Variants in RUFY2 observed in about 807,000 individuals in gnomAD.
RUFY2 encodes RUN and FYVE domain containing 2.
In RUFY2, 49 loss-of-function variants were observed where a neutral mutation model predicts 94.4. The ratio of observed to expected loss-of-function variants is 0.52; its 90% CI spans 0.41 to 0.66. The LOEUF (loss-of-function observed/expected upper bound fraction) is 0.66. Among genes scored for constraint, RUFY2 ranks in the 30% least tolerant of loss-of-function variants. The pLI is 0.00. For synonymous variants in RUFY2, 255 were observed against 235.7 expected (o/e 1.08, Z -0.75); for missense variants, 541 against 692.8 (o/e 0.78, Z 2.46).
Position 68,344,645 on chromosome 10 carries a change from T to C in RUFY2, c.*1123A>G, listed in dbSNP as rs572850667. On this transcript the variant is annotated 3_prime_UTR_variant, in exon 18 of 18. Coordinates refer to ENST00000602465, the MANE Select transcript of RUFY2 (RefSeq NM_001330103.2). ...AACCCAGGAGGTGGAGATCGTGCCA[T>C]TGCACTCCAGCCTAGGCAACAAGAG... 10 of 152,674 alleles carry C rather than the reference T, an allele frequency of 6.5e-5. No homozygotes were observed. Among genetic ancestry groups the C allele is most frequent in the South Asian group, 4.1e-4 (2 of 4,834 alleles). The allele number at this position is 152,674 out of a possible 1,614,324, so 9.5% of individuals were successfully genotyped here.
chr10:68,356,275 G>A (rs752571849), intron 15 of RUFY2, among the ~76,000 whole-genome samples: 3 of 152,038 alleles, frequency 2.0e-5, no homozygotes, highest in Non-Finnish European at 2.9e-5. Flanking sequence ...GGGCCAAGGC[G>A]GGTGAATCAT....
intron 7 of RUFY2, among the ~76,000 whole-genome samples, chr10:68,387,869 GGCACAC>G (rs2049634725): frequency 6.6e-6 from 1 of 152,060 alleles, no homozygotes; most frequent in South Asian, 2.1e-4. Flanking sequence ...TGGGCGTGGT[GGCACAC>G]GCCTGTAATC....
intron 14 of RUFY2, 51 bp downstream of exon 14, chr10:68,363,933 A>C: frequency 7.4e-7 from 1 of 1,357,750 alleles, no homozygotes; most frequent in Non-Finnish European, 1.0e-6. Flanking sequence ...ATCTTTTTAA[A>C]TAAGTTAACA....
intron 12 of RUFY2, chr10:68,377,612 C>T (rs1301182655): frequency 2.0e-6 from 2 of 985,220 alleles, no homozygotes; most frequent in African/African-American, 3.5e-5. Flanking sequence ...TTGTTCCTCA[C>T]CATTTAATAT....
intron 13 of RUFY2, among the ~76,000 whole-genome samples, chr10:68,367,036 C>T (rs1371626966): frequency 1.1e-4 from 16 of 151,152 alleles, no homozygotes; most frequent in African/African-American, 2.9e-4. Context: ...GGCGTGGTGG[C>T]GGGTGCCTGT....
chr10:68,406,834 C>G (rs1452225503), intron 1 of RUFY2: 1 of 1,612,372 alleles, frequency 6.2e-7, no homozygotes, highest in African/African-American at 1.3e-5. Flanking sequence ...TGCGTCTTCC[C>G]TCCGCCACCC....
chr10:68,376,666 T>C (rs906749157), intron 13 of RUFY2, among the ~76,000 whole-genome samples, 187 bp downstream of exon 13: 4 of 150,776 alleles, frequency 2.7e-5, no homozygotes, highest in Admixed American at 2.0e-4. Flanking sequence ...CTGTAAATCA[T>C]AAAGGGAGTA....
intron 12 of RUFY2, chr10:68,377,475 C>T (rs1214045856): frequency 7.1e-6 from 7 of 990,880 alleles, no homozygotes; most frequent in Non-Finnish European, 8.4e-6. Context: ...GTCCTTCTTA[C>T]GGCATCTTTA....
chr10:68,367,851 T>C (rs2047969148), intron 13 of RUFY2, among the ~76,000 whole-genome samples: 1 of 151,688 alleles, frequency 6.6e-6, no homozygotes, highest in Non-Finnish European at 1.5e-5. Flanking sequence ...CCTCTCACCT[T>C]AGCCTCCTAA....
chr10:68,376,485 T>TAC (rs2048677138), intron 13 of RUFY2, among the ~76,000 whole-genome samples: 1 of 74,996 alleles, frequency 1.3e-5, no homozygotes, highest in African/African-American at 3.6e-5. Flanking sequence ...TATATATATA[T>TAC]ATATATTCTC....
intron 6 of RUFY2, 30 bp downstream of exon 6, chr10:68,394,044 CA>C (rs748628239): frequency 6.7e-7 from 1 of 1,488,708 alleles, no homozygotes; most frequent in African/African-American, 1.4e-5. Flanking sequence ...ATAAAAAACC[CA>C]ATATGTGAAA....
At position 68,384,168 on chromosome 10, in the gene RUFY2, C is replaced by T. The variant is rs753252682; in HGVS notation, c.721-16G>A. The T allele has an allele frequency of 4.4e-6, 7 of 1,598,718 alleles. No individual in the cohort carries two copies. Among genetic ancestry groups the T allele is most frequent in the South Asian group, 3.3e-5 (3 of 89,630 alleles). ...CTATTGCTAACTAAAAATTAAGAAA[C>T]GGGCAAGAAAAAAGATTTTAAACAC... On this transcript the variant is annotated splice_polypyrimidine_tract_variant and intron_variant, in intron 8 of 17. Transcript: ENST00000602465.
chr10:68,377,522 G>GTC (rs1472386681), intron 12 of RUFY2: 2 of 988,050 alleles, frequency 2.0e-6, no homozygotes, highest in Admixed American at 1.2e-4. Context: ...CTGTGTGTGT[G>GTC]TGTGTGTGCA....
rs1011181103 is a variant in RUFY2 at position 68,343,479 on chromosome 10, C to G, written c.*2289G>C. ...AACATCTTAAAGCAGTAAAAGTATA[C>G]AGTATTAATGAAACCAAAATTGCCC... On this transcript the variant is annotated 3_prime_UTR_variant, in exon 18 of 18. Coordinates refer to ENST00000602465, the MANE Select transcript of RUFY2 (RefSeq NM_001330103.2). The G allele has an allele frequency of 2.6e-5, 4 of 152,496 alleles. No individual in the cohort carries two copies. The highest frequency in any genetic ancestry group is 5.9e-5 in the Non-Finnish European group (4 of 68,000). 9.4% of individuals were successfully genotyped at this position (152,496 alleles called of 1,614,324 possible).
At chr10:68,342,810 C>A (rs1345258200), downstream of RUFY2, 4 of 152,466 alleles carry the variant, frequency 2.6e-5, no homozygotes, top group African/African-American at 9.7e-5. Flanking sequence ...CTCAGTGACA[C>A]AAGAATTCAG....
At chr10:68,348,103 G>C (rs1368589218) in intron 16 of RUFY2, among the ~76,000 whole-genome samples, 1 of 151,358 alleles carries the variant, frequency 6.6e-6, no homozygotes, top group East Asian at 1.9e-4. Flanking sequence ...TAGAACACAG[G>C]ATTATAAGGG....
At chr10:68,390,014 C>T (rs2049859073) in intron 7 of RUFY2, among the ~76,000 whole-genome samples, 1 of 152,038 alleles carries the variant, frequency 6.6e-6, no homozygotes, top group Non-Finnish European at 1.5e-5. Context: ...GTTTTATGTT[C>T]CTTTTGTGCC....
chr10:68,392,441 A>G (rs1416291439), intron 7 of RUFY2, among the ~76,000 whole-genome samples: 1 of 152,200 alleles, frequency 6.6e-6, no homozygotes, highest in Non-Finnish European at 1.5e-5. Flanking sequence ...TTGACAATGT[A>G]AGAAAGCAAA....
At chr10:68,384,017 C>G (rs7899885) in intron 9 of RUFY2, 34 bp downstream of exon 9, 1,157 of 1,582,882 alleles carry the variant, frequency 7.3e-4, no homozygotes, top group Middle Eastern at 1.0e-3. Flanking sequence ...ATTTCTGACA[C>G]GAGATTGTCT....
Sources: gnomAD v4.1 joint callset for allele counts (sites outside exome capture counted in the v4.1 genomes callset) on GRCh38, gnomAD v4.1.1 for gene constraint, MANE v1.5 for transcripts, NCBI Gene and HGNC (gene_info 2026-07-23, HGNC 2026-07-21) for gene names.